Variants in SLIT3 observed in about 807,000 individuals in gnomAD.
SLIT3 encodes the protein slit guidance ligand 3.
SLIT3 carries 68 observed loss-of-function variants against 184.0 expected under a neutral mutation model. The observed-to-expected ratio is 0.37, with a 90% CI of 0.30 to 0.45. The LOEUF (loss-of-function observed/expected upper bound fraction) is 0.45. Among genes scored for constraint, SLIT3 ranks in the 20% least tolerant of loss-of-function variants. The pLI is 1.00. For missense variants in SLIT3, 1,707 were observed against 2,026.0 expected, an observed-to-expected ratio of 0.84 and a Z score of 3.02; for synonymous variants, 831 against 828.6, an observed-to-expected ratio of 1.00 and a Z score of -0.05.
At chr5:168,966,595 C>G (rs139662366) in intron 4 of SLIT3, among the ~76,000 whole-genome samples, 128 of 152,300 alleles carry the variant, frequency 8.4e-4, no homozygotes, top group African/African-American at 2.9e-3. Flanking sequence ...GTGAGAGAAT[C>G]TCCTAGTCAC....
intron 6 of SLIT3, 116 bp downstream of exon 6, chr5:168,844,468 T>A (rs1758380270): frequency 1.1e-6 from 1 of 889,380 alleles, no homozygotes; most frequent in Non-Finnish European, 1.8e-6. Flanking sequence ...AGACCAGAAA[T>A]GCATTCACAC....
intron 4 of SLIT3, among the ~76,000 whole-genome samples, chr5:169,157,885 A>G (rs1056350624): frequency 3.3e-5 from 5 of 152,158 alleles, no homozygotes; most frequent in East Asian, 3.8e-4. Context: ...AAAAAATTCA[A>G]TGAATGGGTT....
At chr5:169,029,672 A>G (rs1756952963) in intron 4 of SLIT3, among the ~76,000 whole-genome samples, 1 of 152,242 alleles carries the variant, frequency 6.6e-6, no homozygotes, top group African/African-American at 2.4e-5. Context: ...TTTGCAAACA[A>G]GAGATCTTGG....
chr5:169,065,491 C>G lies in SLIT3; in HGVS notation c.413+127988G>C, dbSNP rs1291962522. Among the ~76,000 whole-genome samples the G allele has an allele frequency of 2.6e-5, 4 of 152,024 alleles. No individual in the cohort carries two copies. In the South Asian group the frequency reaches 8.3e-4, roughly 32 times the overall value. On this transcript the variant is annotated intron_variant, in intron 4 of 35. Coordinates refer to ENST00000519560, the MANE Select transcript of SLIT3 (RefSeq NM_003062.4). ...TAGAGTTGAGCCCACGTCCTGGTGT[C>G]CCCAGAAGTTCTATACTTGTCTCTC... is the stretch of plus-strand genomic sequence containing the variant.
intron 4 of SLIT3, among the ~76,000 whole-genome samples, chr5:169,100,739 A>T (rs1759977420): frequency 6.6e-6 from 1 of 152,156 alleles, no homozygotes; most frequent in South Asian, 2.1e-4. Context: ...TCCTCCAGTG[A>T]TCCTGTGACC....
At chr5:169,047,206 G>C (rs548570633) in intron 4 of SLIT3, among the ~76,000 whole-genome samples, 3 of 152,008 alleles carry the variant, frequency 2.0e-5, no homozygotes, top group Admixed American at 6.6e-5. Context: ...CCACCTTCTC[G>C]AGCCTCCTCT....
At chr5:169,195,323 A>C (rs796748091) in intron 3 of SLIT3, among the ~76,000 whole-genome samples, 22 of 152,272 alleles carry the variant, frequency 1.4e-4, no homozygotes, top group African/African-American at 5.3e-4. Context: ...AGGACAAAGC[A>C]TGTGATAGAG....
intron 3 of SLIT3, among the ~76,000 whole-genome samples, chr5:169,223,900 A>G (rs1313338979): frequency 6.6e-6 from 1 of 152,116 alleles, no homozygotes; most frequent in East Asian, 1.9e-4. Context: ...GCTGCAGGCA[A>G]TGGGGAGGGC....
intron 4 of SLIT3, among the ~76,000 whole-genome samples, chr5:168,974,299 C>T (rs962108938): frequency 6.6e-6 from 1 of 152,212 alleles, no homozygotes; most frequent in African/African-American, 2.4e-5. Context: ...TGAAACTCAA[C>T]TATATTGCTC....
intron 28 of SLIT3, among the ~76,000 whole-genome samples, chr5:168,695,118 G>T (rs148084763): frequency 1.3e-5 from 2 of 152,294 alleles, no homozygotes; most frequent in Non-Finnish European, 2.9e-5. Context: ...GAGCCATTTG[G>T]CTTCCTTCTC....
At position 168,844,653 on chromosome 5, in the gene SLIT3, T is replaced by A. The variant is rs374568304; in HGVS notation, c.488A>T (p.Gln163Leu). 1.9e-6 allele frequency: 3 copies of A among 1,614,018 alleles called. No homozygotes were observed. The highest frequency in any genetic ancestry group is 2.5e-6 in the Non-Finnish European group (3 of 1,180,028). ...GCAGCTGATGTGGTTGTTGTCCAGT[T>A]GCCTGTGGAAAAGCAGGGGAGAGCA... ...FRGITDVKNL[Q>L]LDNNHISCIE... is the part of the protein sequence containing the mutation. The change falls in exon 6 of 36, where the codon CAA (glutamine) becomes CTA (leucine). Residue 163 changes from glutamine (Q) to leucine (L), a missense_variant and splice_region_variant. Gln to Leu is a moderately radical substitution (Grantham distance 113). Transcript: ENST00000519560.
intron 4 of SLIT3, among the ~76,000 whole-genome samples, chr5:169,015,878 C>T (rs888316518): frequency 2.0e-5 from 3 of 150,608 alleles, no homozygotes; most frequent in South Asian, 2.1e-4. Flanking sequence ...TATGATCATG[C>T]CACTGCACTC....
chr5:168,907,954 A>C (rs965170142), intron 4 of SLIT3, among the ~76,000 whole-genome samples: 2 of 43,366 alleles, frequency 4.6e-5, no homozygotes, highest in Non-Finnish European at 9.3e-5. Flanking sequence ...GTATATATAT[A>C]TATATATATA....
chr5:168,747,616 C>T (rs1006143293), intron 20 of SLIT3, among the ~76,000 whole-genome samples: 1 of 152,144 alleles, frequency 6.6e-6, no homozygotes, highest in Non-Finnish European at 1.5e-5. Context: ...CTGTGCTTTC[C>T]TGGGGGGCAG....
chr5:168,819,428 G>T (rs758848597), intron 7 of SLIT3, among the ~76,000 whole-genome samples: 1 of 152,208 alleles, frequency 6.6e-6, no homozygotes, highest in Non-Finnish European at 1.5e-5. Context: ...CGTGGCATGC[G>T]CAGGCTGAGG....
intron 15 of SLIT3, among the ~76,000 whole-genome samples, chr5:168,761,472 A>G (rs1755145347): frequency 6.6e-6 from 1 of 151,726 alleles, no homozygotes; most frequent in Admixed American, 6.6e-5. Flanking sequence ...GACCACTACC[A>G]CTCATCCAGG....
At chr5:168,797,426 T>C (rs1393612539) in intron 9 of SLIT3, among the ~76,000 whole-genome samples, 1 of 152,198 alleles carries the variant, frequency 6.6e-6, no homozygotes, top group Non-Finnish European at 1.5e-5. Context: ...GGCAATCCCC[T>C]CAGTTTTTGC....
rs141842370 is a variant in SLIT3 at position 168,797,323 on chromosome 5, C to T, written c.936-1745G>A. On this transcript the variant is annotated intron_variant, in intron 9 of 35. Coordinates refer to ENST00000519560, the MANE Select transcript of SLIT3 (RefSeq NM_003062.4). ...CTCTGGGGCTGCCAGTCAGGTGGTG[C>T]GTGCTCTCCAGGAATCCCGTCATTC... is the stretch of plus-strand genomic sequence containing the variant. Among the ~76,000 whole-genome samples, 516 of 152,300 alleles carry T rather than the reference C, an allele frequency of 3.4e-3. 2 individuals carry two copies. The highest frequency in any genetic ancestry group is 5.8e-3 in the Non-Finnish European group (393 of 68,032).
intron 4 of SLIT3, among the ~76,000 whole-genome samples, chr5:169,133,270 C>T (rs1186360606): frequency 6.6e-6 from 1 of 152,244 alleles, no homozygotes; most frequent in Non-Finnish European, 1.5e-5. Context: ...GCCTGCTTCA[C>T]TTTACAGTGT....
Sources: allele counts gnomAD v4.1 joint callset (sites outside exome capture counted in the v4.1 genomes callset), GRCh38; gene constraint gnomAD v4.1.1; transcripts MANE v1.5; gene names NCBI Gene and HGNC (gene_info 2026-07-23, HGNC 2026-07-21).